The following TMEM178B variants were observed in gnomAD, a reference collection of about 807,000 sequenced individuals.
The protein encoded by TMEM178B is transmembrane protein 178B.
In TMEM178B, 5 loss-of-function variants were observed where a neutral mutation model predicts 31.0. The observed-to-expected ratio is 0.16, with a 90% confidence interval of 0.08 to 0.34. The LOEUF (loss-of-function observed/expected upper bound fraction) is 0.34. Ranked by LOEUF, TMEM178B falls within the 10% of genes least tolerant of loss-of-function variation. The pLI, the probability that TMEM178B is intolerant of heterozygous loss-of-function variation, is 1.00. For missense variants in TMEM178B, 275 were observed against 400.3 expected (o/e 0.69, Z 2.67); for synonymous variants, 164 against 164.0 (o/e 1.00, Z 0.00).
At chr7:141,193,085 C>T (rs1796723591) in intron 1 of TMEM178B, among the ~76,000 whole-genome samples, 1 of 152,230 alleles carries the variant, frequency 6.6e-6, no homozygotes, top group Non-Finnish European at 1.5e-5. Flanking sequence ...GCCCATCCTC[C>T]AGTCAAGCCC....
chr7:141,190,132 C>T (rs962352964), intron 1 of TMEM178B, among the ~76,000 whole-genome samples: 10 of 152,246 alleles, frequency 6.6e-5, no homozygotes, highest in African/African-American at 2.4e-4. Context: ...CCTGATCAAC[C>T]CATCATAAGT....
chr7:141,370,066 G>T (rs1411881225), intron 2 of TMEM178B, among the ~76,000 whole-genome samples: 1 of 152,180 alleles, frequency 6.6e-6, no homozygotes, highest in Non-Finnish European at 1.5e-5. Context: ...AGGGGGGCCT[G>T]CCCCAGGTAG....
At chr7:141,256,751 T>C (rs1427940424) in intron 2 of TMEM178B, among the ~76,000 whole-genome samples, 1 of 152,058 alleles carries the variant, frequency 6.6e-6, no homozygotes, top group Non-Finnish European at 1.5e-5. Flanking sequence ...TGGTGAGAGA[T>C]GATGGTGATT....
chr7:141,089,293 CACTGGACAGGCAG>C (rs917929665), intron 1 of TMEM178B, among the ~76,000 whole-genome samples: 1 of 152,166 alleles, frequency 6.6e-6, no homozygotes, highest in African/African-American at 2.4e-5. Flanking sequence ...GATTAGCAGG[CACTGGACAGGCAG>C]ACTTGGAGGT....
chr7:141,367,471 C>T (rs990803325), intron 2 of TMEM178B, among the ~76,000 whole-genome samples: 2 of 152,000 alleles, frequency 1.3e-5, no homozygotes, highest in South Asian at 2.1e-4. Context: ...GATGGGGTTT[C>T]GCCCTGTTAG....
At chr7:141,488,845 T>C in the TMEM178B span, among the ~76,000 whole-genome samples, 1 of 150,652 alleles carries the variant, frequency 6.6e-6, no homozygotes, top group Non-Finnish European at 1.5e-5. Flanking sequence ...AAGATGTCAG[T>C]TTATCTGCAC....
intron 3 of TMEM178B, among the ~76,000 whole-genome samples, chr7:141,465,785 G>C (rs376916994): frequency 5.4e-4 from 83 of 152,304 alleles, no homozygotes; most frequent in African/African-American, 1.9e-3. Context: ...CACTTTGGGA[G>C]GCCAAGGTGC....
chr7:141,241,529 G>A (rs887959227), intron 2 of TMEM178B, among the ~76,000 whole-genome samples: 3 of 147,236 alleles, frequency 2.0e-5, no homozygotes, highest in African/African-American at 7.5e-5. Flanking sequence ...GGCAGAGTTT[G>A]CAGTGATCTG....
chr7:141,433,086 T>C (rs1208177323), intron 2 of TMEM178B, among the ~76,000 whole-genome samples: 2 of 152,190 alleles, frequency 1.3e-5, no homozygotes, highest in Non-Finnish European at 2.9e-5. Flanking sequence ...GTAGTGAACT[T>C]CAGTACAATA....
intron 3 of TMEM178B, among the ~76,000 whole-genome samples, chr7:141,468,663 T>C (rs549004253): frequency 6.6e-6 from 1 of 152,240 alleles, no homozygotes; most frequent in African/African-American, 2.4e-5. Context: ...TGTCACTGTC[T>C]GGGGTAATTA....
At chr7:141,394,569 C>G (rs2116609631) in intron 2 of TMEM178B, among the ~76,000 whole-genome samples, 1 of 152,298 alleles carries the variant, frequency 6.6e-6, no homozygotes, top group South Asian at 2.1e-4. Flanking sequence ...GCCTCATCTT[C>G]CACAATGCAT....
intron 2 of TMEM178B, among the ~76,000 whole-genome samples, chr7:141,404,588 AG>A (rs766566159): frequency 8.5e-5 from 13 of 152,140 alleles, no homozygotes; most frequent in Admixed American, 2.0e-4. Context: ...TAAGAGTAAG[AG>A]GCATTGGATT....
At chr7:141,367,389 C>T (rs1300465481) in intron 2 of TMEM178B, among the ~76,000 whole-genome samples, 1 of 152,074 alleles carries the variant, frequency 6.6e-6, no homozygotes, top group Non-Finnish European at 1.5e-5. Context: ...ATTCTTGTGC[C>T]TCAGCCTCTT....
intron 1 of TMEM178B, among the ~76,000 whole-genome samples, chr7:141,102,700 G>A (rs1002761036): frequency 2.0e-5 from 3 of 152,172 alleles, no homozygotes; most frequent in Middle Eastern, 3.2e-3. Context: ...ACACTTTGTC[G>A]ATCTAGAGGA....
At chr7:141,140,599 C>A (rs894463015) in intron 1 of TMEM178B, among the ~76,000 whole-genome samples, 10 of 152,068 alleles carry the variant, frequency 6.6e-5, no homozygotes, top group African/African-American at 2.4e-4. Flanking sequence ...ACCAGATGTC[C>A]TTTTTCTGTA....
intron 1 of TMEM178B, among the ~76,000 whole-genome samples, chr7:141,200,311 G>A (rs1796854979): frequency 6.6e-6 from 1 of 151,602 alleles, no homozygotes; most frequent in African/African-American, 2.4e-5. Flanking sequence ...GAATGCAACG[G>A]TGATTTTTCT....
chr7:141,396,135 G>T (rs1800633465), intron 2 of TMEM178B, among the ~76,000 whole-genome samples: 2 of 152,104 alleles, frequency 1.3e-5, no homozygotes, highest in Admixed American at 1.3e-4. Context: ...GGGGAGCCAG[G>T]CAACAGCTCA....
chr7:141,331,764 AG>A lies in TMEM178B; in HGVS notation c.497-105841del, dbSNP rs1397313910. The stretch of plus-strand genomic sequence containing the variant: ...GTGGCTGATGCAGTGAGCCTGATGG[AG>A]GGCAAGTGTCTATCTGCTGAACCTT... On this transcript the variant is annotated intron_variant, in intron 2 of 3. Transcript: ENST00000565468. Among the ~76,000 whole-genome samples, 3 of 152,212 alleles carry A rather than the reference AG, an allele frequency of 2.0e-5. No homozygotes were observed. In the East Asian group the frequency reaches 5.8e-4, roughly 29 times the overall value.
At chr7:141,254,214 C>T (rs937620818) in intron 2 of TMEM178B, among the ~76,000 whole-genome samples, 9 of 152,132 alleles carry the variant, frequency 5.9e-5, no homozygotes, top group Non-Finnish European at 1.3e-4. Flanking sequence ...TGGGGCCATC[C>T]CACCAAAGTA....
Sources: allele counts gnomAD v4.1 joint callset (sites outside exome capture counted in the v4.1 genomes callset), GRCh38; gene constraint gnomAD v4.1.1; transcripts MANE v1.5; gene names NCBI Gene and HGNC (gene_info 2026-07-23, HGNC 2026-07-21).